Variants in MTUS1 observed in about 807,000 individuals in gnomAD.
MTUS1 encodes microtubule-associated tumor suppressor 1.
MTUS1 carries 109 observed loss-of-function variants against 120.8 expected under a neutral mutation model. The ratio of observed to expected loss-of-function variants is 0.90; its 90% CI spans 0.77 to 1.06. The LOEUF (loss-of-function observed/expected upper bound fraction) is 1.06. MTUS1 is among the 50% of genes least tolerant of loss of function. The probability of loss-of-function intolerance (pLI) is 0.00; values close to 1 mark genes in which losing one functional copy is unlikely to be tolerated. For synonymous variants in MTUS1, 737 were observed against 550.5 expected (o/e 1.34, Z -4.74); for missense variants, 2,210 against 1,486.3 (o/e 1.49, Z -8.01).
At chr8:17,674,293 T>A (rs28679501) in intron 8 of MTUS1, among the ~76,000 whole-genome samples, 23 of 151,834 alleles carry the variant, frequency 1.5e-4, no homozygotes, top group Middle Eastern at 3.4e-3. Context: ...GGTGGTGTGC[T>A]CCTGTTGTCC....
intron 7 of MTUS1, among the ~76,000 whole-genome samples, chr8:17,683,454 A>G (rs1815054458): frequency 6.6e-6 from 1 of 152,164 alleles, no homozygotes; most frequent in African/African-American, 2.4e-5. Context: ...ACCAAACTGA[A>G]CAGTTTTCTT....
chr8:17,800,966 C>G (rs943134273), intron 1 of MTUS1, 95 bp downstream of exon 1: 1 of 152,424 alleles, frequency 6.6e-6, no homozygotes. Context: ...CTCCCCTCCC[C>G]GAGGACCGGT....
chr8:17,668,002 C>A (rs976843983), intron 8 of MTUS1, among the ~76,000 whole-genome samples: 1 of 152,126 alleles, frequency 6.6e-6, no homozygotes, highest in African/African-American at 2.4e-5. Flanking sequence ...GGATTAAAAT[C>A]TTGTTTCACA....
rs187498041 is a variant in MTUS1, at chr8:17,700,264, T to A, written c.2623+12950A>T. The stretch of plus-strand genomic sequence containing the variant: ...AGGTGGGATCACCTGAGGTCAGAAG[T>A]TCAAGACCAGCCTGGCCAACATGGT... On this transcript the variant is annotated intron_variant, in intron 6 of 14. Transcript: ENST00000693296. Among the ~76,000 whole-genome samples, 372 of 150,492 alleles carry A rather than the reference T, an allele frequency of 2.5e-3. 1 individual carries two copies. Among genetic ancestry groups the A allele is most frequent in the Middle Eastern group, 3.5e-3 (1 of 288 alleles).
At chr8:17,719,429 T>G (rs1822972457) in intron 4 of MTUS1, among the ~76,000 whole-genome samples, 1 of 152,192 alleles carries the variant, frequency 6.6e-6, no homozygotes, top group African/African-American at 2.4e-5. Flanking sequence ...ATCACTCAAC[T>G]ATATAATAAC....
chr8:17,687,544 T>G (rs1816083150), intron 6 of MTUS1, among the ~76,000 whole-genome samples: 1 of 152,254 alleles, frequency 6.6e-6, no homozygotes, highest in Non-Finnish European at 1.5e-5. Flanking sequence ...TAAATTATTT[T>G]GTTTACTGTA....
intron 1 of MTUS1, among the ~76,000 whole-genome samples, chr8:17,768,505 A>G (rs910114222): frequency 6.7e-6 from 1 of 150,270 alleles, no homozygotes; most frequent in Non-Finnish European, 1.5e-5. Context: ...AAAGAAAGCT[A>G]TGAGAGAAAC....
At chr8:17,767,705 A>AAAAAAAACAAAACAAC (rs2049652262) in intron 1 of MTUS1, among the ~76,000 whole-genome samples, 1 of 151,064 alleles carries the variant, frequency 6.6e-6, no homozygotes, top group African/African-American at 2.4e-5. Context: ...TCTCTTAAAA[A>AAAAAAAACAAAACAAC]AAAAAAAAAA....
At chr8:17,727,511 GAC>G (rs1273352025) in intron 3 of MTUS1, among the ~76,000 whole-genome samples, 1 of 152,210 alleles carries the variant, frequency 6.6e-6, no homozygotes, top group African/African-American at 2.4e-5. Flanking sequence ...ATGCAACAAA[GAC>G]ATATAACTAT....
In MTUS1 at chr8:17,676,027, T is replaced by G. The variant is rs1235829028; in HGVS notation, c.2839-775A>C. 3.7e-6 allele frequency: 2 copies of G among 537,672 alleles called. 1 individual carries two copies. The highest frequency in any genetic ancestry group is 3.8e-5 in the African/African-American group (2 of 52,770). 33.3% of individuals were successfully genotyped at this position (537,672 alleles called of 1,614,324 possible). ...TACATACAGTTCCTTAAAAGGTAGA[T>G]TCCCTAGCACCAGGGAGTAACTAAA... On this transcript the variant is annotated intron_variant, in intron 7 of 14. Transcript: ENST00000693296.
At chr8:17,771,505 G>A (rs7386909) in intron 1 of MTUS1, among the ~76,000 whole-genome samples, 148,587 of 152,324 alleles carry the variant, frequency 0.98, 72,576 homozygotes, top group East Asian at 1. Context: ...TTGGGCCAGC[G>A]TATCTGCTCT....
intron 7 of MTUS1, among the ~76,000 whole-genome samples, chr8:17,681,266 G>C (rs1275720581): frequency 1.3e-5 from 2 of 152,108 alleles, no homozygotes; most frequent in African/African-American, 2.4e-5. Flanking sequence ...TTTGTGTACT[G>C]AATCTATGTA....
intron 2 of MTUS1, among the ~76,000 whole-genome samples, chr8:17,753,098 A>G (rs1016683518): frequency 3.3e-5 from 5 of 152,206 alleles, no homozygotes; most frequent in Non-Finnish European, 7.3e-5. Flanking sequence ...ATTTTATTTT[A>G]TATACCAGGA....
At chr8:17,721,124 A>C (rs73206211) in intron 4 of MTUS1, among the ~76,000 whole-genome samples, 4,947 of 152,296 alleles carry the variant, frequency 0.032, 108 homozygotes, top group Non-Finnish European at 0.052. Flanking sequence ...ACAAGCAGAC[A>C]AAGCGAGAAA....
At chr8:17,775,070 C>G (rs1295734311) in intron 1 of MTUS1, among the ~76,000 whole-genome samples, 1 of 148,842 alleles carries the variant, frequency 6.7e-6, no homozygotes, top group Non-Finnish European at 1.5e-5. Context: ...GACAGAAAGT[C>G]AATTCGAGGT....
chr8:17,728,674 G>T (rs1378216657), intron 3 of MTUS1, among the ~76,000 whole-genome samples: 1 of 152,166 alleles, frequency 6.6e-6, no homozygotes, highest in Non-Finnish European at 1.5e-5. Context: ...AAGAAAATAA[G>T]GCTGGAGAGG....
chr8:17,666,891 G>T (rs1327307748), intron 8 of MTUS1, among the ~76,000 whole-genome samples: 2 of 152,194 alleles, frequency 1.3e-5, no homozygotes, highest in East Asian at 3.9e-4. Flanking sequence ...ACAAAGTGCA[G>T]ATTCCTGGAC....
intron 8 of MTUS1, among the ~76,000 whole-genome samples, chr8:17,662,162 C>G (rs998176959): frequency 6.6e-6 from 1 of 152,008 alleles, no homozygotes; most frequent in African/African-American, 2.4e-5. Flanking sequence ...GCTCTCACTC[C>G]TATCCTCAGC....
At chr8:17,680,609 A>C (rs1814235642) in intron 7 of MTUS1, among the ~76,000 whole-genome samples, 1 of 152,034 alleles carries the variant, frequency 6.6e-6, no homozygotes, top group Non-Finnish European at 1.5e-5. Flanking sequence ...ATTCACTAGG[A>C]GCTTGCCATG....
Sources: allele counts gnomAD v4.1 joint callset (sites outside exome capture counted in the v4.1 genomes callset), GRCh38; gene constraint gnomAD v4.1.1; transcripts MANE v1.5; gene names NCBI Gene and HGNC (gene_info 2026-07-23, HGNC 2026-07-21).